Variants in KDM2B observed in about 807,000 individuals in gnomAD.
KDM2B encodes lysine demethylase 2B.
Under a neutral mutation model 150.0 loss-of-function variants are expected in KDM2B, and 26 were observed. The observed-to-expected ratio is 0.17, with a 90% confidence interval of 0.13 to 0.24. KDM2B has a LOEUF of 0.24. Among genes scored for constraint, KDM2B ranks in the 10% least tolerant of loss-of-function variants. The pLI is 1.00. For synonymous variants in KDM2B, 734 were observed against 729.5 expected (o/e 1.01, Z -0.10); for missense variants, 1,265 against 1,816.9 (o/e 0.70, Z 5.52).
At chr12:121,415,956 C>G in the KDM2B span, among the ~76,000 whole-genome samples, 2 of 148,776 alleles carry the variant, frequency 1.3e-5, no homozygotes, top group Non-Finnish European at 3.0e-5. Context: ...AACAAGAGAT[C>G]ATGGGTATTG....
At position 121,484,967 on chromosome 12, in the gene KDM2B, G is replaced by T. The variant is rs1210310146; in HGVS notation, c.1734+9612C>A. Among the ~76,000 whole-genome samples the T allele has an allele frequency of 2.0e-5, 3 of 152,102 alleles. No homozygotes were observed. The East Asian group carries it at 5.8e-4, about 29-fold the overall frequency. On this transcript the variant is annotated intron_variant, in intron 12 of 22. Transcript: ENST00000377071. Reference sequence around the variant, plus strand: ...AGCCCCTAGCACCCATATGATTGTTGTCCTTATAAAATGAGGAAATCTGGG... The same window carrying T: ...AGCCCCTAGCACCCATATGATTGTTTTCCTTATAAAATGAGGAAATCTGGG...
chr12:121,455,104 C>T (rs1294009271), intron 12 of KDM2B, among the ~76,000 whole-genome samples: 1 of 152,206 alleles, frequency 6.6e-6, no homozygotes, highest in African/African-American at 2.4e-5. Flanking sequence ...CTCCGATTCA[C>T]CTTCCCACAG....
chr12:121,410,701 A>G, the KDM2B span, among the ~76,000 whole-genome samples: 2 of 152,162 alleles, frequency 1.3e-5, no homozygotes, highest in Admixed American at 6.5e-5. Flanking sequence ...TTGCCCTTCA[A>G]TATGATGCTA....
chr12:121,471,461 C>T (rs1178003713), intron 12 of KDM2B, among the ~76,000 whole-genome samples: 2 of 152,124 alleles, frequency 1.3e-5, no homozygotes, highest in African/African-American at 4.8e-5. Context: ...AGTGAGAACC[C>T]AGAAATGACC....
intron 12 of KDM2B, among the ~76,000 whole-genome samples, chr12:121,460,001 G>A (rs782729477): frequency 3.3e-5 from 5 of 152,144 alleles, no homozygotes; most frequent in Non-Finnish European, 7.4e-5. Context: ...ATTTTTAAAT[G>A]GGCAAAGGAT....
rs1417597574 is a variant in KDM2B at position 121,443,733 on chromosome 12, C to T, written c.2512G>A (p.Gly838Ser). 4.7e-5 allele frequency: 76 copies of T among 1,611,762 alleles called. No homozygotes were observed. Among genetic ancestry groups the T allele is most frequent in the Non-Finnish European group, 6.4e-5 (75 of 1,179,784 alleles). Residue 838 changes from glycine to serine, a missense_variant, in exon 17 of 23, where the codon GGC becomes AGC. Gly to Ser is a moderately conservative substitution (Grantham distance 56). This residue lies in a region of KDM2B where 418 missense variants were observed against 402.4 expected (regional missense o/e 1.04). Transcript: ENST00000377071. ...SSHLSPRPPLGSSLSPWWRSS... is the reference protein window; with the variant it reads ...SSHLSPRPPLSSSLSPWWRSS... The stretch of plus-strand genomic sequence containing the variant: ...CTCCACCAGGGGCTGAGGCTGCTGC[C>T]TAGAGGGGGCCTCGGCGAGAGGTGA...
chr12:121,579,604 A>C, intron 1 of KDM2B: 1 of 1,306,402 alleles, frequency 7.7e-7, no homozygotes, highest in Non-Finnish European at 1.0e-6. Context: ...GGAGACCCCA[A>C]AACGCACCAG....
intron 12 of KDM2B, among the ~76,000 whole-genome samples, chr12:121,488,210 A>G (rs1362474618): frequency 6.6e-6 from 1 of 152,218 alleles, no homozygotes; most frequent in African/African-American, 2.4e-5. Context: ...GTTTTGCACA[A>G]GCAAATGATA....
At chr12:121,428,845 A>G (rs369091474), downstream of KDM2B, among the ~76,000 whole-genome samples, 1 of 152,156 alleles carries the variant, frequency 6.6e-6, no homozygotes, top group Non-Finnish European at 1.5e-5. Flanking sequence ...CTGTCTCCCA[A>G]ATCTGGCGAA....
intron 12 of KDM2B, among the ~76,000 whole-genome samples, chr12:121,491,346 G>A (rs1034292448): frequency 7.0e-4 from 107 of 152,100 alleles, no homozygotes; most frequent in African/African-American, 2.3e-3. Context: ...ACTGCATCTG[G>A]AAGCTGCTGT....
At chr12:121,564,414 C>T (rs28880417) in intron 4 of KDM2B, among the ~76,000 whole-genome samples, 3,792 of 152,040 alleles carry the variant, frequency 0.025, 144 homozygotes, top group South Asian at 0.14. Flanking sequence ...GCCGAGATGG[C>T]GCCACTGCAC....
intron 22 of KDM2B, among the ~76,000 whole-genome samples, chr12:121,431,879 CTTT>C (rs77237915): frequency 1.6e-5 from 2 of 122,392 alleles, no homozygotes; most frequent in Non-Finnish European, 1.6e-5. Flanking sequence ...TTTCTTTTTT[CTTT>C]TTTTTTTTTT....
chr12:121,430,263 C>T lies in KDM2B; in HGVS notation c.*25G>A. ...AGTCTCTCCCCTCCCAGAGCCCGCC[C>T]CGTATTTACATACTTATCCTTGGAC... On this transcript the variant is annotated 3_prime_UTR_variant, in exon 23 of 23. Transcript: ENST00000377071. This position sits in a 1 kb window ranked among gnomAD's most constrained non-coding sequence, Gnocchi z 4.4. The T allele has an allele frequency of 6.2e-7, 1 of 1,614,158 alleles. No homozygotes were observed. The highest frequency in any genetic ancestry group is 8.5e-7 in the Non-Finnish European group (1 of 1,180,042).
At chr12:121,508,671 C>T (rs1885307878) in intron 11 of KDM2B, among the ~76,000 whole-genome samples, 1 of 152,158 alleles carries the variant, frequency 6.6e-6, no homozygotes, top group Admixed American at 6.6e-5. Context: ...TCTGCAGTCA[C>T]CCCCGGGTCC....
intron 12 of KDM2B, among the ~76,000 whole-genome samples, chr12:121,479,256 T>C (rs1190908117): frequency 1.3e-5 from 2 of 151,788 alleles, no homozygotes; most frequent in African/African-American, 4.8e-5. Context: ...GAGACCATCC[T>C]GGCTAACAAG....
intron 9 of KDM2B, chr12:121,516,424 A>G: frequency 8.7e-7 from 1 of 1,145,800 alleles, no homozygotes; most frequent in Non-Finnish European, 1.1e-6. Flanking sequence ...TTTTTTTTCC[A>G]AGAGAGGACT....
intron 11 of KDM2B, among the ~76,000 whole-genome samples, chr12:121,506,911 G>A (rs1477127927): frequency 3.3e-5 from 5 of 151,860 alleles, no homozygotes; most frequent in Non-Finnish European, 7.4e-5. Context: ...ACTCCAGCCT[G>A]GGCATCAAGA....
At chr12:121,456,497 A>C (rs1247728375) in intron 12 of KDM2B, among the ~76,000 whole-genome samples, 1 of 152,168 alleles carries the variant, frequency 6.6e-6, no homozygotes, top group African/African-American at 2.4e-5. Flanking sequence ...TCAGGTGTGA[A>C]GTGGCCAGCG....
downstream of KDM2B, among the ~76,000 whole-genome samples, chr12:121,428,517 G>C (rs898605505): frequency 2.0e-5 from 3 of 152,130 alleles, no homozygotes; most frequent in Non-Finnish European, 1.5e-5. Flanking sequence ...AAATAAAAGG[G>C]ACAAATAGAA....
Sources: allele counts gnomAD v4.1 joint callset (sites outside exome capture counted in the v4.1 genomes callset), GRCh38; gene constraint gnomAD v4.1.1; regional missense constraint gnomAD v4.1.1; non-coding constraint Gnocchi (gnomAD v3.1); transcripts MANE v1.5; gene names NCBI Gene and HGNC (gene_info 2026-07-23, HGNC 2026-07-21).